FBRSL1: variants seen among roughly 807,000 people sequenced by gnomAD.
The protein encoded by FBRSL1 is fibrosin-1-like protein.
In FBRSL1, 51 loss-of-function variants were observed where a neutral mutation model predicts 89.6. That is an observed-to-expected ratio of 0.57 (90% CI 0.45 to 0.72). The LOEUF (loss-of-function observed/expected upper bound fraction) is 0.72. FBRSL1 is among the 30% of genes least tolerant of loss of function. FBRSL1 has a pLI of 0.00. For missense variants in FBRSL1, 1,618 were observed against 1,451.8 expected, an observed-to-expected ratio of 1.11 and a Z score of -1.86; for synonymous variants, 779 against 681.1, an observed-to-expected ratio of 1.14 and a Z score of -2.24.
At chr12:132,571,601 C>G in intron 9 of FBRSL1, 1 of 1,021,262 alleles carries the variant, frequency 9.8e-7, no homozygotes. Context: ...CACAGACACA[C>G]GCTCGCACAC....
chr12:132,490,554 G>C lies in FBRSL1; in HGVS notation c.-17G>C. On this transcript the variant is annotated 5_prime_UTR_variant, in exon 1 of 19. Transcript: ENST00000680143. ...GGGGCGTCAAGGTCACCGGCCCGAC[G>C]GGGCGCACGCGCGGCCATGGAGGCC... 1.0e-6 allele frequency: 1 copy of C among 981,012 alleles called. No individual in the cohort carries two copies. The highest frequency in any genetic ancestry group is 1.2e-6 in the Non-Finnish European group (1 of 828,428). 60.8% of individuals were successfully genotyped at this position (981,012 alleles called of 1,614,324 possible). A position where few individuals can be genotyped will look rare whatever the true frequency, so the allele number is the denominator to read the frequency against.
At chr12:132,549,323 C>G (rs1181049962) in intron 5 of FBRSL1, among the ~76,000 whole-genome samples, 1 of 152,206 alleles carries the variant, frequency 6.6e-6, no homozygotes. Flanking sequence ...GGGGACGCGT[C>G]CTGGTGGTCA....
intron 2 of FBRSL1, among the ~76,000 whole-genome samples, chr12:132,508,608 G>T (rs544401565): frequency 1.3e-5 from 2 of 152,232 alleles, no homozygotes; most frequent in African/African-American, 4.8e-5. Flanking sequence ...AGCAAGGCGC[G>T]CGTTCCGGGC....
intron 2 of FBRSL1, chr12:132,509,597 C>T (rs2034090468): frequency 1.6e-6 from 2 of 1,231,834 alleles, no homozygotes; most frequent in Middle Eastern, 3.1e-4. Context: ...GCCTGCGGTC[C>T]CTCCTGGCCC....
chr12:132,574,086 T>C lies in FBRSL1; in HGVS notation c.1531-4T>C. On this transcript the variant is annotated splice_polypyrimidine_tract_variant and splice_region_variant and intron_variant, in intron 11 of 18. Coordinates refer to ENST00000680143, the MANE Select transcript of FBRSL1 (RefSeq NM_001367871.1). ...GCACACAAGCTGTCTCTTTCTCCCC[T>C]CAGACTTCAAGCCCCATTGAGGTGG... The C allele has an allele frequency of 1.5e-6, 2 of 1,301,298 alleles. No individual in the cohort carries two copies. Among genetic ancestry groups the C allele is most frequent in the Non-Finnish European group, 1.9e-6 (2 of 1,026,576 alleles). 80.6% of individuals were successfully genotyped at this position (1,301,298 alleles called of 1,614,324 possible).
chr12:132,508,887 C>T (rs1047448312), intron 2 of FBRSL1, among the ~76,000 whole-genome samples: 11 of 152,178 alleles, frequency 7.2e-5, no homozygotes, highest in East Asian at 1.9e-4. Flanking sequence ...CCAGGGGCCT[C>T]CTGCCCAGGA....
intron 6 of FBRSL1, among the ~76,000 whole-genome samples, chr12:132,568,544 C>G (rs1377391022): frequency 1.4e-4 from 21 of 152,252 alleles, no homozygotes; most frequent in Admixed American, 1.4e-3. Flanking sequence ...CGGCTGCTGC[C>G]GCATCTGGAC....
intron 3 of FBRSL1, among the ~76,000 whole-genome samples, chr12:132,526,886 G>T (rs971601192): frequency 1.3e-5 from 2 of 152,118 alleles, no homozygotes; most frequent in African/African-American, 2.4e-5. Context: ...GGCCCTGGTG[G>T]TCTGAGTGTG....
At position 132,584,360 on chromosome 12, in the gene FBRSL1, A is replaced by G. The variant is rs1021862133; in HGVS notation, c.*582A>G. On this transcript the variant is annotated 3_prime_UTR_variant, in exon 19 of 19. Transcript: ENST00000680143. ...TTTTTTGGTTTGTTTTTTTAAAAGC[A>G]AACGAAACGTGTAAATAGTCTGTTG... is the stretch of plus-strand genomic sequence containing the variant. 5.9e-5 allele frequency: 9 copies of G among 152,360 alleles called. No individual in the cohort carries two copies. Among genetic ancestry groups the G allele is most frequent in the Non-Finnish European group, 1.3e-4 (9 of 68,036 alleles). 9.4% of individuals were successfully genotyped at this position (152,360 alleles called of 1,614,324 possible). A position where few individuals can be genotyped will look rare whatever the true frequency, so the allele number is the denominator to read the frequency against.
intron 5 of FBRSL1, among the ~76,000 whole-genome samples, chr12:132,549,616 C>A (rs2037979915): frequency 6.6e-6 from 1 of 152,226 alleles, no homozygotes; most frequent in Admixed American, 6.5e-5. Flanking sequence ...GAGCCTGGGG[C>A]CTACTGGGGG....
intron 2 of FBRSL1, among the ~76,000 whole-genome samples, chr12:132,514,168 G>A (rs1324671121): frequency 6.6e-6 from 1 of 152,194 alleles, no homozygotes; most frequent in Non-Finnish European, 1.5e-5. Flanking sequence ...AGACAGGCTG[G>A]GATAGCATGC....
chr12:132,578,343 T>TCTCTCACACACACACACACACACACA (rs147345475), intron 15 of FBRSL1, among the ~76,000 whole-genome samples: 218 of 141,112 alleles, frequency 1.5e-3, no homozygotes, highest in Admixed American at 3.1e-3. Context: ...AGACCCTGTC[T>TCTCTCACACACACACACACACACACA]CACACACACA....
At chr12:132,568,749 G>GGTGGAGATA (rs1217939417) in intron 6 of FBRSL1, among the ~76,000 whole-genome samples, 1 of 152,156 alleles carries the variant, frequency 6.6e-6, no homozygotes, top group African/African-American at 2.4e-5. Flanking sequence ...TGGGAAAGCC[G>GGTGGAGATA]GTGGAGATAG....
At position 132,499,120 on chromosome 12, in the gene FBRSL1, TCCGGC is replaced by T. The variant is rs1203261127; in HGVS notation, c.291+8261_291+8265del. Among the ~76,000 whole-genome samples the T allele has an allele frequency of 1.3e-5, 2 of 152,226 alleles. No individual in the cohort carries two copies. Among genetic ancestry groups the T allele is most frequent in the Non-Finnish European group, 2.9e-5 (2 of 68,022 alleles). Reference sequence around the variant, plus strand: ...TGGTCCCTGGGACTGGTGGGCCTCATCCGGCCTCGGCAGCCGCCCCGCCCATTCCA... The same window carrying T: ...TGGTCCCTGGGACTGGTGGGCCTCATCTCGGCAGCCGCCCCGCCCATTCCA... On this transcript the variant is annotated intron_variant, in intron 1 of 18. Coordinates refer to ENST00000680143, the MANE Select transcript of FBRSL1 (RefSeq NM_001367871.1). This position sits in a 1 kb window ranked among gnomAD's most constrained non-coding sequence, Gnocchi z 4.3.
At chr12:132,560,895 G>A (rs1277387646) in intron 5 of FBRSL1, among the ~76,000 whole-genome samples, 1 of 152,240 alleles carries the variant, frequency 6.6e-6, no homozygotes, top group East Asian at 1.9e-4. Flanking sequence ...AAGTTAAGCG[G>A]GTCTGGTGGC....
intron 4 of FBRSL1, among the ~76,000 whole-genome samples, chr12:132,537,767 C>G (rs1235544426): frequency 6.6e-6 from 1 of 152,196 alleles, no homozygotes; most frequent in Non-Finnish European, 1.5e-5. Flanking sequence ...ACTTCAGAGC[C>G]CAGGCCGCCC....
At chr12:132,530,658 A>G (rs1223693886) in intron 4 of FBRSL1, among the ~76,000 whole-genome samples, 1 of 148,864 alleles carries the variant, frequency 6.7e-6, no homozygotes, top group East Asian at 2.0e-4. Flanking sequence ...TTAACTTGCC[A>G]GCTGCTTGCA....
chr12:132,562,998 GCCTGCACCCCACA>G (rs1375735929), intron 5 of FBRSL1, among the ~76,000 whole-genome samples: 8 of 96,818 alleles, frequency 8.3e-5, no homozygotes, highest in Non-Finnish European at 1.6e-4. Flanking sequence ...GGCCCCCACA[GCCTGCACCCCACA>G]CCTGGCCCCC....
At chr12:132,577,590 G>A (rs889687904) in intron 15 of FBRSL1, among the ~76,000 whole-genome samples, 7 of 151,950 alleles carry the variant, frequency 4.6e-5, no homozygotes, top group East Asian at 1.9e-4. Flanking sequence ...CGGGAGCAGC[G>A]AGGGCCTCCC....
Sources: allele counts gnomAD v4.1 joint callset (sites outside exome capture counted in the v4.1 genomes callset), GRCh38; gene constraint gnomAD v4.1.1; non-coding constraint Gnocchi (gnomAD v3.1); transcripts MANE v1.5; gene names NCBI Gene and HGNC (gene_info 2026-07-23, HGNC 2026-07-21).